The following PTPRG variants were observed in gnomAD, a reference collection of about 807,000 sequenced individuals.
PTPRG encodes receptor-type tyrosine-protein phosphatase gamma.
In PTPRG, 102 loss-of-function variants were observed where a neutral mutation model predicts 165.3. That is an observed-to-expected ratio of 0.62 (90% confidence interval 0.53 to 0.73). The LOEUF is 0.73. PTPRG is among the 30% of genes least tolerant of loss of function. The pLI, the probability that PTPRG is intolerant of heterozygous loss-of-function variation, is 0.00. For synonymous variants in PTPRG, 675 were observed against 669.5 expected, an observed-to-expected ratio of 1.01 and a Z score of -0.13; for missense variants, 1,866 against 1,861.4, an observed-to-expected ratio of 1.00 and a Z score of -0.05.
chr3:61,788,763 C>T (rs1463290566), intron 2 of PTPRG, among the ~76,000 whole-genome samples: 1 of 152,208 alleles, frequency 6.6e-6, no homozygotes, highest in Non-Finnish European at 1.5e-5. Context: ...CTGTTCAGCT[C>T]TGCTACATGA....
At chr3:62,161,068 T>G (rs1011293116) in intron 7 of PTPRG, among the ~76,000 whole-genome samples, 4 of 152,128 alleles carry the variant, frequency 2.6e-5, no homozygotes, top group Admixed American at 6.6e-5. Flanking sequence ...ACTCTACTAT[T>G]TGGTGCCTCG....
At chr3:61,569,218 A>G (rs1298371480) in intron 1 of PTPRG, among the ~76,000 whole-genome samples, 2 of 152,214 alleles carry the variant, frequency 1.3e-5, no homozygotes, top group Non-Finnish European at 2.9e-5. Flanking sequence ...GTGGCTATTG[A>G]GAGTTATACA....
intron 3 of PTPRG, among the ~76,000 whole-genome samples, chr3:61,992,398 G>A (rs571802586): frequency 3.4e-4 from 52 of 152,224 alleles, no homozygotes; most frequent in Non-Finnish European, 5.4e-4. Flanking sequence ...TCACTCTGTT[G>A]CCCGGGCTGG....
intron 1 of PTPRG, among the ~76,000 whole-genome samples, chr3:61,670,750 C>T (rs893953724): frequency 1.3e-5 from 2 of 152,254 alleles, no homozygotes; most frequent in South Asian, 2.1e-4. Context: ...TTTCACAACA[C>T]GGGGAATTTG....
intron 2 of PTPRG, among the ~76,000 whole-genome samples, chr3:61,920,827 C>G (rs1418696571): frequency 1.3e-5 from 2 of 152,080 alleles, no homozygotes; most frequent in Non-Finnish European, 2.9e-5. Context: ...GATTTTTAAA[C>G]ATTGATGTAC....
intron 1 of PTPRG, among the ~76,000 whole-genome samples, chr3:61,597,712 G>A (rs1390783281): frequency 6.6e-6 from 1 of 152,106 alleles, no homozygotes; most frequent in East Asian, 1.9e-4. Context: ...AATCTGCAAG[G>A]ATGTTGAAGA....
chr3:62,177,055 G>T (rs1048656372), intron 8 of PTPRG, among the ~76,000 whole-genome samples: 1 of 152,010 alleles, frequency 6.6e-6, no homozygotes, highest in Non-Finnish European at 1.5e-5. Context: ...CTTGAGACCA[G>T]CAGTTCCTGA....
intron 5 of PTPRG, among the ~76,000 whole-genome samples, chr3:62,095,929 G>C (rs1445764963): frequency 6.6e-6 from 1 of 152,154 alleles, no homozygotes; most frequent in Non-Finnish European, 1.5e-5. Flanking sequence ...CAAGGCTCAA[G>C]CTAGAGCATT....
chr3:61,660,103 T>C (rs1702617471), intron 1 of PTPRG, among the ~76,000 whole-genome samples: 1 of 152,148 alleles, frequency 6.6e-6, no homozygotes, highest in African/African-American at 2.4e-5. Flanking sequence ...TTTGTGCCTG[T>C]AGTCCCAGCT....
At chr3:62,143,687 TAAAG>T (rs1704012960) in intron 6 of PTPRG, among the ~76,000 whole-genome samples, 1 of 152,190 alleles carries the variant, frequency 6.6e-6, no homozygotes, top group Admixed American at 6.6e-5. Context: ...GGAATACTTT[TAAAG>T]AAACAGAATT....
chr3:61,859,212 A>C (rs1452613893), intron 2 of PTPRG, among the ~76,000 whole-genome samples: 1 of 152,174 alleles, frequency 6.6e-6, no homozygotes, highest in African/African-American at 2.4e-5. Context: ...GGTTCTTTAT[A>C]ATGAGAATAC....
rs1253872849 is a variant in PTPRG at position 62,233,200 on chromosome 3, C to T, written c.2375+1889C>T. Among the ~76,000 whole-genome samples the T allele has an allele frequency of 1.3e-5, 2 of 152,304 alleles. No individual in the cohort carries two copies. The highest frequency in any genetic ancestry group is 2.4e-5 in the African/African-American group (1 of 41,576). On this transcript the variant is annotated intron_variant, in intron 14 of 29. Transcript: ENST00000474889. The surrounding 1 kb of genome is among the most constrained non-coding windows in gnomAD (Gnocchi z 4.7). ...CGGCGTGAATCCTGAGCAGTACCCC[C>T]TCTCACAGCTACATGTGCTATGCTA... is the stretch of plus-strand genomic sequence containing the variant.
chr3:61,721,901 T>C (rs916114430), intron 1 of PTPRG, among the ~76,000 whole-genome samples: 5 of 152,212 alleles, frequency 3.3e-5, no homozygotes, highest in African/African-American at 1.2e-4. Context: ...TTTCTGACTT[T>C]CTGCTCTGTC....
chr3:61,875,472 T>C (rs1332626619), intron 2 of PTPRG, among the ~76,000 whole-genome samples: 1 of 152,184 alleles, frequency 6.6e-6, no homozygotes, highest in Admixed American at 6.5e-5. Context: ...GCCATCCTTA[T>C]ACAGAAGGGA....
At chr3:62,256,581 G>A (rs1701541845) in intron 16 of PTPRG, among the ~76,000 whole-genome samples, 1 of 152,160 alleles carries the variant, frequency 6.6e-6, no homozygotes, top group African/African-American at 2.4e-5. Flanking sequence ...TATTCATGAG[G>A]ACAGCAAATG....
intron 28 of PTPRG, among the ~76,000 whole-genome samples, chr3:62,288,391 T>C (rs1453693097): frequency 5.9e-5 from 9 of 152,076 alleles, no homozygotes; most frequent in Non-Finnish European, 8.8e-5. Flanking sequence ...CATTCAAGAA[T>C]TGGCCGGGCA....
chr3:62,185,793 TATCCA>T (rs1705856113), intron 8 of PTPRG, among the ~76,000 whole-genome samples: 1 of 152,246 alleles, frequency 6.6e-6, no homozygotes, highest in African/African-American at 2.4e-5. Flanking sequence ...ACTTTGGGTT[TATCCA>T]CAGTGTTCCC....
intron 1 of PTPRG, among the ~76,000 whole-genome samples, chr3:61,643,874 G>A (rs1460688770): frequency 6.6e-6 from 1 of 152,080 alleles, no homozygotes; most frequent in Non-Finnish European, 1.5e-5. Context: ...AAGTTTAATT[G>A]GATTCTTATA....
chr3:61,735,795 A>T (rs1185972753), intron 1 of PTPRG, among the ~76,000 whole-genome samples: 3 of 152,198 alleles, frequency 2.0e-5, no homozygotes, highest in Non-Finnish European at 1.5e-5. Context: ...TTAATTTATT[A>T]ATTAGCCTTT....
Sources: allele counts gnomAD v4.1 joint callset (sites outside exome capture counted in the v4.1 genomes callset), GRCh38; gene constraint gnomAD v4.1.1; non-coding constraint Gnocchi (gnomAD v3.1); transcripts MANE v1.5; gene names NCBI Gene and HGNC (gene_info 2026-07-23, HGNC 2026-07-21).